PLA2G4F: variants seen among roughly 807,000 people sequenced by gnomAD.
PLA2G4F encodes phospholipase A2 group IVF.
PLA2G4F carries 105 observed loss-of-function variants against 103.1 expected under a neutral mutation model. The ratio of observed to expected loss-of-function variants is 1.02; its 90% CI spans 0.87 to 1.20. PLA2G4F has a LOEUF of 1.20. PLA2G4F is among the 50% of genes most tolerant of loss of function. The pLI is 0.00. For synonymous variants in PLA2G4F, 468 were observed against 441.1 expected (o/e 1.06, Z -0.76); for missense variants, 1,155 against 1,075.9 (o/e 1.07, Z -1.03).
Position 42,154,117 on chromosome 15 carries a change from T to C in PLA2G4F, c.425A>G (p.Lys142Arg), listed in dbSNP as rs777361101. ...CTGGTGGTTGAGTGGGAAGGTGTGTTTGTGAGGTTGGCCACACTTGAGGCT... is the reference window on the plus strand; with the variant it reads ...CTGGTGGTTGAGTGGGAAGGTGTGTCTGTGAGGTTGGCCACACTTGAGGCT... ...LRSLKCGQPHKHTFPLNHQDS... is the reference protein window; with the variant it reads ...LRSLKCGQPHRHTFPLNHQDS... Residue 142 changes from lysine (K) to arginine (R), a missense_variant, in exon 4 of 20, where the codon AAA (lysine) becomes AGA (arginine). Lys to Arg is a conservative substitution (Grantham distance 26, BLOSUM62 2). Transcript: ENST00000397272. 4.3e-6 allele frequency: 7 copies of C among 1,614,166 alleles called. No homozygotes were observed. Among genetic ancestry groups the C allele is most frequent in the Non-Finnish European group, 5.9e-6 (7 of 1,180,024 alleles).
Position 42,152,765 on chromosome 15 carries a change from C to T in PLA2G4F, c.535-11G>A, listed in dbSNP as rs2048973672. ...CAGACAGGGGTGAGCCTGAGGAAAG[C>T]AGAGGCCTGTAGGAGCCAGACAGCC... On this transcript the variant is annotated splice_polypyrimidine_tract_variant and intron_variant, in intron 6 of 19. Coordinates refer to ENST00000397272, the MANE Select transcript of PLA2G4F (RefSeq NM_213600.4). The T allele has an allele frequency of 1.3e-6, 2 of 1,553,378 alleles. No individual in the cohort carries two copies. Among genetic ancestry groups the T allele is most frequent in the Non-Finnish European group, 1.7e-6 (2 of 1,147,934 alleles).
At position 42,150,813 on chromosome 15, in the gene PLA2G4F, G is replaced by A. The variant is rs754146895; in HGVS notation, c.602-36C>T. 39 of 1,588,552 alleles carry A rather than the reference G, an allele frequency of 2.5e-5. No homozygotes were observed. In the East Asian group the frequency reaches 8.8e-4, roughly 36 times the overall value. Reference sequence around the variant, plus strand: ...AGGGCCCAGGTGGGTGCGCAGGTGAGGGGGTGGGTCTGTGTCTCTGCGGCT... The same window carrying A: ...AGGGCCCAGGTGGGTGCGCAGGTGAAGGGGTGGGTCTGTGTCTCTGCGGCT... On this transcript the variant is annotated intron_variant, in intron 7 of 19. Coordinates refer to ENST00000397272, the MANE Select transcript of PLA2G4F (RefSeq NM_213600.4).
rs1472697142 is a variant in PLA2G4F, at chr15:42,142,067, CGTT to C, written c.2464_2466del (p.Asn822del). ...TTCAAGGTCTCCACGTTGTTCAGGA[CGTT>C]GTATCGACTGAGGGCCACCAGCCGA... On this transcript the variant is annotated inframe_deletion, in exon 20 of 20. Coordinates refer to ENST00000397272, the MANE Select transcript of PLA2G4F (RefSeq NM_213600.4). 6 of 1,614,046 alleles carry C rather than the reference CGTT, an allele frequency of 3.7e-6. No homozygotes were observed. Among genetic ancestry groups the C allele is most frequent in the East Asian group, 2.2e-5 (1 of 44,888 alleles).
chr15:42,146,325 G>A, intron 13 of PLA2G4F, 84 bp from the exon 14 acceptor site: 1 of 1,278,092 alleles, frequency 7.8e-7, no homozygotes. Context: ...ACCCTGCAAG[G>A]CGTGGTGTGC....
intron 16 of PLA2G4F, among the ~76,000 whole-genome samples, 157 bp downstream of exon 16, chr15:42,145,418 T>C (rs2048871287): frequency 6.6e-6 from 1 of 152,064 alleles, no homozygotes; most frequent in Non-Finnish European, 1.5e-5. Context: ...CCTCTGGGCA[T>C]CTAGACACCC....
At chr15:42,142,231 G>A (rs1566876775) in intron 19 of PLA2G4F, 27 bp from the exon 20 acceptor site, 3 of 1,582,522 alleles carry the variant, frequency 1.9e-6, no homozygotes, top group South Asian at 1.2e-5. Context: ...CAGAGGAGAG[G>A]CCAGGATGGA....
At chr15:42,146,837 T>C in intron 13 of PLA2G4F, 1 of 373,430 alleles carries the variant, frequency 2.7e-6, no homozygotes, top group Non-Finnish European at 4.9e-6. Context: ...TCACTCTCTC[T>C]GGAAGGGGGG....
Position 42,149,762 on chromosome 15 carries a change from T to C in PLA2G4F, c.1010A>G (p.Lys337Arg), listed in dbSNP as rs906425533. ...CAATCCCAGCACTTGCTGCAGGGCC[T>C]TGGACACGACCTGCTTCCTCCTGTC... ...FLDRRKQVVS[K>R]ALQQVLGLSE... Residue 337 changes from lysine (K) to arginine (R), a missense_variant, in exon 11 of 20, where the codon AAG becomes AGG. Transcript: ENST00000397272. 1.2e-6 allele frequency: 2 copies of C among 1,614,230 alleles called. No homozygotes were observed. Among genetic ancestry groups the C allele is most frequent in the African/African-American group, 2.7e-5 (2 of 75,064 alleles).
chr15:42,155,388 A>C, intron 2 of PLA2G4F, 129 bp downstream of exon 2: 1 of 897,748 alleles, frequency 1.1e-6, no homozygotes, highest in South Asian at 1.6e-5. Flanking sequence ...GTATACACAC[A>C]TGCACTCTCA....
In PLA2G4F at chr15:42,144,210, A is replaced by G; in HGVS notation, c.1976-66T>C. Reference sequence around the variant, plus strand: ...TACTCTTGCTAGCAACCGCTTCTGTATTTGCATTCACGTTTGCCTTCTCTC... The same window carrying G: ...TACTCTTGCTAGCAACCGCTTCTGTGTTTGCATTCACGTTTGCCTTCTCTC... On this transcript the variant is annotated intron_variant, in intron 17 of 19. Coordinates refer to ENST00000397272, the MANE Select transcript of PLA2G4F (RefSeq NM_213600.4). The G allele has an allele frequency of 2.6e-6, 4 of 1,516,250 alleles. No individual in the cohort carries two copies. The African/African-American group carries it at 4.1e-5, about 16-fold the overall frequency. 93.9% of individuals were successfully genotyped at this position (1,516,250 alleles called of 1,614,324 possible).
rs376000341 is a variant in PLA2G4F at position 42,142,112 on chromosome 15, C to T, written c.2422G>A (p.Glu808Lys). 4 of 1,614,200 alleles carry T rather than the reference C, an allele frequency of 2.5e-6. No homozygotes were observed. Among genetic ancestry groups the T allele is most frequent in the Non-Finnish European group, 1.7e-6 (2 of 1,180,018 alleles). Residue 808 changes from glutamate (E) to lysine (K), a missense_variant, in exon 20 of 20, where the codon GAG (glutamate) becomes AAG (lysine). Around this residue, in one of 3 missense-constraint regions of PLA2G4F, gnomAD observed 782 missense variants for 692.9 expected, o/e 1.13. Transcript: ENST00000397272. ...TPYGMMNFTYEPQDFYRLVAL... is the reference protein window; with the variant it reads ...TPYGMMNFTYKPQDFYRLVAL... ...ACCAGCCGATAAAAGTCCTGGGGCT[C>T]ATAGGTGAAGTTCATCATGCCATAG...
chr15:42,143,782 G>A (rs2048849037), intron 18 of PLA2G4F, among the ~76,000 whole-genome samples, 196 bp downstream of exon 18: 1 of 152,114 alleles, frequency 6.6e-6, no homozygotes, highest in African/African-American at 2.4e-5. Context: ...TCCTGCAACT[G>A]GGAGACCTGT....
chr15:42,153,873 G>T (rs1374574468), intron 4 of PLA2G4F, among the ~76,000 whole-genome samples: 1 of 152,248 alleles, frequency 6.6e-6, no homozygotes, highest in Non-Finnish European at 1.5e-5. Flanking sequence ...TGATAATTCA[G>T]CTGTGACTGA....
rs765605608 is a variant in PLA2G4F, at chr15:42,146,135, TC to T, written c.1525del (p.Asp509IlefsTer65). On this transcript the variant is annotated frameshift_variant, in exon 14 of 20. Coordinates refer to ENST00000397272, the MANE Select transcript of PLA2G4F (RefSeq NM_213600.4). LOFTEE classifies it high-confidence loss of function. Reference protein sequence around the residue: ...VNVRTNLSGEDFAEWCEFTPY... With the variant: ...VNVRTNLSGEXFAEWCEFTPY... The stretch of plus-strand genomic sequence containing the variant: ...TCTCCACACCCAGGCACCTGCAAAA[TC>T]TTCCCCACTCAAGTTGGTGCGGACG... 1.9e-5 allele frequency: 31 copies of T among 1,613,894 alleles called. No individual in the cohort carries two copies. Among genetic ancestry groups the T allele is most frequent in the Non-Finnish European group, 2.5e-5 (30 of 1,179,898 alleles).
At chr15:42,143,118 G>A (rs1353597521) in intron 18 of PLA2G4F, among the ~76,000 whole-genome samples, 1 of 145,376 alleles carries the variant, frequency 6.9e-6, no homozygotes, top group Non-Finnish European at 1.5e-5. Context: ...GGCAGAGGTT[G>A]CAGCGAGCCA....
intron 15 of PLA2G4F, 35 bp downstream of exon 15, chr15:42,145,731 A>T: frequency 6.2e-7 from 1 of 1,608,476 alleles, no homozygotes; most frequent in African/African-American, 1.3e-5. Context: ...TGGCCCCGGC[A>T]CCTGCCTGTC....
At chr15:42,142,924 T>C (rs1360292406) in intron 18 of PLA2G4F, among the ~76,000 whole-genome samples, 2 of 152,036 alleles carry the variant, frequency 1.3e-5, no homozygotes, top group African/African-American at 4.8e-5. Context: ...CTCATGCCTG[T>C]AATCCCAGCA....
At chr15:42,154,484 G>A (rs573649127) in intron 2 of PLA2G4F, 26 bp from the exon 3 acceptor site, 1 of 1,534,948 alleles carries the variant, frequency 6.5e-7, no homozygotes, top group South Asian at 1.3e-5. Context: ...GGAGGGGCCG[G>A]GGCCTCAAGC....
Position 42,145,782 on chromosome 15 carries a change from C to G in PLA2G4F, c.1656G>C (p.Arg552=), listed in dbSNP as rs534259776. 16 of 1,614,154 alleles carry G rather than the reference C, an allele frequency of 9.9e-6. No individual in the cohort carries two copies. Among genetic ancestry groups the G allele is most frequent in the African/African-American group, 8.0e-5 (6 of 75,056 alleles). ...GRLLQLQPEP[R]ICYLQGMWGS... ...TCGACTCACCTTGCAGGTAACAGAT[C>G]CGGGGTTCAGGCTGGAGCTGCAGCA... Residue 552 remains arginine (R), a synonymous_variant, in exon 15 of 20, where the codon CGG becomes CGC. Coordinates refer to ENST00000397272, the MANE Select transcript of PLA2G4F (RefSeq NM_213600.4).
Sources: allele counts gnomAD v4.1 joint callset (sites outside exome capture counted in the v4.1 genomes callset), GRCh38; gene constraint gnomAD v4.1.1; regional missense constraint gnomAD v4.1.1; transcripts MANE v1.5; gene names NCBI Gene and HGNC (gene_info 2026-07-23, HGNC 2026-07-21).